Variants in MACF1 observed in about 807,000 individuals in gnomAD.
MACF1 encodes microtubule actin crosslinking factor 1.
Under a neutral mutation model 854.8 loss-of-function variants are expected in MACF1, and 193 were observed. That is an observed-to-expected ratio of 0.23 (90% confidence interval 0.20 to 0.25). The LOEUF is 0.25. Among genes scored for constraint, MACF1 ranks in the 10% least tolerant of loss-of-function variants. The pLI is 1.00. For missense variants in MACF1, 7,722 were observed against 8,929.1 expected (o/e 0.86, Z 5.45); for synonymous variants, 3,185 against 3,226.7 (o/e 0.99, Z 0.44).
Position 39,458,169 on chromosome 1 carries a change from T to A in MACF1, c.21076-201T>A, listed in dbSNP as rs1233363573. 3 of 534,164 alleles carry A rather than the reference T, an allele frequency of 5.6e-6. No homozygotes were observed. In the Admixed American group the frequency reaches 9.5e-5, roughly 17 times the overall value. The allele number at this position is 534,164 out of a possible 1,614,324, so 33.1% of individuals were successfully genotyped here. Reference sequence around the variant, plus strand: ...ATCCCGTTAGACCCCACCTCCAGCATTGGAAATCACATTTCAACATGAGAT... The same window carrying A: ...ATCCCGTTAGACCCCACCTCCAGCAATGGAAATCACATTTCAACATGAGAT... On this transcript the variant is annotated intron_variant, in intron 89 of 100. Transcript: ENST00000564288.
rs909699633 is a variant in MACF1, at chr1:39,450,946, ACT to A, written c.20259-101_20259-100del. 6.4e-6 allele frequency: 8 copies of A among 1,243,600 alleles called. No homozygotes were observed. The African/African-American group carries it at 1.2e-4, about 19-fold the overall frequency. 77.0% of individuals were successfully genotyped at this position (1,243,600 alleles called of 1,614,324 possible). On this transcript the variant is annotated intron_variant, in intron 84 of 100. Coordinates refer to ENST00000564288, the MANE Select transcript of MACF1 (RefSeq NM_001394062.1). ...TTCTAACTGTTCTAACATAGAAGTC[ACT>A]CTCTATATAGGGTTCAAGCAATATT...
intron 2 of MACF1, among the ~76,000 whole-genome samples, chr1:39,093,643 A>G (rs560437938): frequency 6.6e-6 from 1 of 151,544 alleles, no homozygotes; most frequent in Non-Finnish European, 1.5e-5. Context: ...ACGCCATCAC[A>G]CCCAGCTAAT....
chr1:39,222,463 T>G (rs1644664871), intron 1 of MACF1, among the ~76,000 whole-genome samples: 1 of 152,170 alleles, frequency 6.6e-6, no homozygotes, highest in South Asian at 2.1e-4. Context: ...CTTTGACTCC[T>G]TTTTGGGCTG....
chr1:39,339,761 A>T (rs1275779919), intron 38 of MACF1, among the ~76,000 whole-genome samples: 1 of 152,212 alleles, frequency 6.6e-6, no homozygotes, highest in Admixed American at 6.5e-5. Context: ...CTAAAAACGT[A>T]GAAAGACAGC....
chr1:39,315,373 G>A (rs933961077), intron 26 of MACF1, 140 bp from the exon 27 acceptor site: 1 of 646,240 alleles, frequency 1.5e-6, no homozygotes, highest in Admixed American at 2.9e-5. Flanking sequence ...TCGTATGTCT[G>A]CTTCATAGTT....
intron 2 of MACF1, among the ~76,000 whole-genome samples, chr1:39,158,795 T>C (rs1350463912): frequency 6.6e-6 from 1 of 152,176 alleles, no homozygotes; most frequent in African/African-American, 2.4e-5. Flanking sequence ...CAAAAGGCTG[T>C]AATGTAATGA....
At position 39,357,672 on chromosome 1, in the gene MACF1, A is replaced by G. The variant is rs745874587; in HGVS notation, c.11722A>G (p.Ser3908Gly). 1.9e-6 allele frequency: 3 copies of G among 1,614,210 alleles called. No homozygotes were observed. In the South Asian group the frequency reaches 3.3e-5, roughly 18 times the overall value. Reference protein sequence around the residue: ...KELENMHKGGSSPETLPSLLK... With the variant: ...KELENMHKGGGSPETLPSLLK... ...GCTGGAGAACATGCATAAGGGAGGCAGCAGCCCCGAGACCCTTCCCTCCCT... is the reference window on the plus strand; with the variant it reads ...GCTGGAGAACATGCATAAGGGAGGCGGCAGCCCCGAGACCCTTCCCTCCCT... Residue 3908 changes from serine (S) to glycine (G), a missense_variant, in exon 45 of 101, where the codon AGC becomes GGC. By Grantham distance (56) the Ser-to-Gly change is moderately conservative. Around this residue, in one of 15 missense-constraint regions of MACF1, gnomAD observed 2,807 missense variants for 3,235.8 expected, o/e 0.87. Coordinates refer to ENST00000564288, the MANE Select transcript of MACF1 (RefSeq NM_001394062.1).
At position 39,333,278 on chromosome 1, in the gene MACF1, A is replaced by G; in HGVS notation, c.6690A>G (p.Leu2230=). Residue 2230 remains leucine, a synonymous_variant, in exon 37 of 101, where the codon TTA becomes TTG. Coordinates refer to ENST00000564288, the MANE Select transcript of MACF1 (RefSeq NM_001394062.1). ...ATCCTCTGGACAAAAAGGAAATGTT[A>G]AAGAAAACATTTCTGGCTAAGGATG... ...NVHPLDKKEM[L]KKTFLAKDDH... 6.2e-7 allele frequency: 1 copy of G among 1,614,124 alleles called. No homozygotes were observed. The highest frequency in any genetic ancestry group is 8.5e-7 in the Non-Finnish European group (1 of 1,180,028).
intron 5 of MACF1, 130 bp downstream of exon 5, chr1:39,254,505 T>A: frequency 1.3e-6 from 1 of 766,864 alleles, no homozygotes; most frequent in Non-Finnish European, 2.2e-6. Flanking sequence ...TTCTGAGTCT[T>A]AACTTGCTAG....
In MACF1 at chr1:39,380,274, C is replaced by T. The variant is rs1231682227; in HGVS notation, c.13549C>T (p.Pro4517Ser). 6.2e-7 allele frequency: 1 copy of T among 1,613,468 alleles called. No individual in the cohort carries two copies. Among genetic ancestry groups the T allele is most frequent in the Non-Finnish European group, 8.5e-7 (1 of 1,179,756 alleles). The change falls in exon 55 of 101, where the codon CCA becomes TCA. Residue 4517 changes from proline (P) to serine (S), a missense_variant. Transcript: ENST00000564288. ...AFLAELEQNSPKIQKVKEALA... is the reference protein window; with the variant it reads ...AFLAELEQNSSKIQKVKEALA... Reference sequence around the variant, plus strand: ...CCTGGCTGAGTTGGAACAGAATTCTCCAAAAATTCAAAAAGTAAAGGAAGC... The same window carrying T: ...CCTGGCTGAGTTGGAACAGAATTCTTCAAAAATTCAAAAAGTAAAGGAAGC...
chr1:39,149,887 G>A (rs1643541306), intron 2 of MACF1, among the ~76,000 whole-genome samples: 1 of 152,152 alleles, frequency 6.6e-6, no homozygotes, highest in Non-Finnish European at 1.5e-5. Flanking sequence ...TCCACTGGAA[G>A]TTAGTTCCAG....
At chr1:39,216,570 C>A (rs889029770) in intron 1 of MACF1, among the ~76,000 whole-genome samples, 7 of 152,130 alleles carry the variant, frequency 4.6e-5, no homozygotes, top group Admixed American at 1.3e-4. Context: ...TCTGATCAGT[C>A]TCCTGACTCC....
At position 39,378,465 on chromosome 1, in the gene MACF1, C is replaced by G. The variant is rs562129752; in HGVS notation, c.13218C>G (p.Ser4406=). Reference sequence around the variant, plus strand: ...TCTCCCTGTCCTTCTGCTCAGGTTCCATACTGCCCTCTGTAGGAAGCTCTG... The same window carrying G: ...TCTCCCTGTCCTTCTGCTCAGGTTCGATACTGCCCTCTGTAGGAAGCTCTG... ...TAPDSQGKTG[S]ILPSVGSSVG... The change falls in exon 53 of 101, where the codon TCC becomes TCG. Residue 4406 remains serine (S), a synonymous_variant. Transcript: ENST00000564288. The G allele has an allele frequency of 1.9e-6, 3 of 1,613,758 alleles. No homozygotes were observed. In the East Asian group the frequency reaches 6.7e-5, roughly 36 times the overall value.
At chr1:39,344,295 A>G (rs2148489658) in intron 40 of MACF1, among the ~76,000 whole-genome samples, 1 of 148,372 alleles carries the variant, frequency 6.7e-6, no homozygotes, top group African/African-American at 2.5e-5. Flanking sequence ...AGCTGGGCAT[A>G]GTGGCAGGCA....
chr1:39,469,456 T>A, intron 96 of MACF1, 91 bp from the exon 97 acceptor site: 2 of 891,404 alleles, frequency 2.2e-6, no homozygotes, highest in Non-Finnish European at 3.7e-6. Flanking sequence ...CACAGGAGGC[T>A]CCCCCACTGT....
rs113285935 is a variant in MACF1, at chr1:39,294,069, A to G, written c.2154+450A>G. ...ATAGCACGTATTCCCCAACGGTTGC[A>G]TAAAAGATTAAGATTTAATAAGCTA... On this transcript the variant is annotated intron_variant, in intron 18 of 100. Transcript: ENST00000564288. Among the ~76,000 whole-genome samples, 472 of 152,354 alleles carry G rather than the reference A, an allele frequency of 3.1e-3. 3 individuals carry two copies. Among genetic ancestry groups the G allele is most frequent in the Middle Eastern group, 6.8e-3 (2 of 294 alleles).
chr1:39,398,925 T>C (rs1642371545), intron 58 of MACF1, among the ~76,000 whole-genome samples: 1 of 152,198 alleles, frequency 6.6e-6, no homozygotes, highest in Non-Finnish European at 1.5e-5. Context: ...TCAGTGTGAT[T>C]TTATCAGACT....
chr1:39,252,029 T>A, intron 4 of MACF1, 88 bp downstream of exon 4: 1 of 821,360 alleles, frequency 1.2e-6, no homozygotes, highest in Non-Finnish European at 1.7e-6. Flanking sequence ...GGTCTCGAAG[T>A]AGTTCAGTTA....
At chr1:39,327,402 G>A (rs924835586) in intron 36 of MACF1, 49 bp downstream of exon 36, 2 of 1,531,168 alleles carry the variant, frequency 1.3e-6, no homozygotes, top group Non-Finnish European at 1.8e-6. Context: ...CTTTTGAATG[G>A]TATGAAGGCA....
Sources: gnomAD v4.1 joint callset for allele counts (sites outside exome capture counted in the v4.1 genomes callset) on GRCh38, gnomAD v4.1.1 for gene constraint, gnomAD v4.1.1 regional missense constraint, MANE v1.5 for transcripts, NCBI Gene and HGNC (gene_info 2026-07-23, HGNC 2026-07-21) for gene names.